The following EVL variants were observed in gnomAD, a reference collection of about 807,000 sequenced individuals.
EVL encodes the protein Enah/Vasp-like.
A neutral mutation model predicts 59.6 loss-of-function variants in EVL; 21 were observed. The ratio of observed to expected loss-of-function variants is 0.35; its 90% CI spans 0.25 to 0.51. The LOEUF (loss-of-function observed/expected upper bound fraction) is 0.51. EVL is among the 20% of genes least tolerant of loss of function. The pLI is 0.97. For missense variants in EVL, 462 were observed against 546.6 expected (o/e 0.85, Z 1.54); for synonymous variants, 198 against 203.5 (o/e 0.97, Z 0.23).
chr14:99,972,064 C>A lies in EVL; in HGVS notation c.5+7C>A. On this transcript the variant is annotated splice_region_variant and intron_variant, in intron 1 of 13. Transcript: ENST00000402714. This position sits in a 1 kb window ranked among gnomAD's most constrained non-coding sequence, Gnocchi z 4.4. ...CCCCGGCAGCGACAATGAGGTGAGT[C>A]GGGGCCGGCGCCTCGTGGGAGGTGG... The A allele has an allele frequency of 6.7e-6, 2 of 298,626 alleles. No individual in the cohort carries two copies. Among genetic ancestry groups the A allele is most frequent in the South Asian group, 1.4e-4 (1 of 7,108 alleles). The allele number at this position is 298,626 out of a possible 1,614,324, so 18.5% of individuals were successfully genotyped here.
intron 1 of EVL, among the ~76,000 whole-genome samples, chr14:99,988,940 G>A (rs1340474434): frequency 1.3e-5 from 2 of 152,146 alleles, no homozygotes; most frequent in African/African-American, 4.8e-5. Flanking sequence ...TTTGAGAATG[G>A]GGAGTAACTG....
At chr14:100,100,389 GA>G (rs1256826609) in intron 3 of EVL, among the ~76,000 whole-genome samples, 1 of 152,092 alleles carries the variant, frequency 6.6e-6, no homozygotes, top group Admixed American at 6.5e-5. Context: ...GCCCACTGAC[GA>G]ATAAGCTTTT....
At chr14:100,083,463 T>G (rs1380899245) in intron 1 of EVL, among the ~76,000 whole-genome samples, 1 of 151,310 alleles carries the variant, frequency 6.6e-6, no homozygotes, top group Non-Finnish European at 1.5e-5. Flanking sequence ...AAAAAAGAAA[T>G]AAACGAGTAT....
At chr14:99,982,662 C>T (rs996131869) in intron 1 of EVL, among the ~76,000 whole-genome samples, 59 of 152,150 alleles carry the variant, frequency 3.9e-4, no homozygotes, top group African/African-American at 1.4e-3. Context: ...CCCAGTTCCT[C>T]TGTGAGCGAT....
At chr14:100,005,686 T>C (rs966982908) in intron 1 of EVL, among the ~76,000 whole-genome samples, 8 of 151,676 alleles carry the variant, frequency 5.3e-5, no homozygotes, top group African/African-American at 1.9e-4. Context: ...GGATGTTACC[T>C]TTTAATTAAA....
At chr14:100,084,052 C>CTTT (rs548584469) in intron 1 of EVL, among the ~76,000 whole-genome samples, 2,022 of 134,626 alleles carry the variant, frequency 0.015, 88 homozygotes, top group African/African-American at 0.054. Context: ...CTCTCTCTCT[C>CTTT]TTTTTTTTTT....
At chr14:100,035,331 T>C (rs1341879964) in intron 1 of EVL, among the ~76,000 whole-genome samples, 1 of 32,928 alleles carries the variant, frequency 3.0e-5, no homozygotes, top group Non-Finnish European at 6.2e-5. Flanking sequence ...CATTCAACAG[T>C]GTATGTGTTT....
intron 1 of EVL, among the ~76,000 whole-genome samples, chr14:100,017,144 T>C (rs2061057530): frequency 1.3e-5 from 2 of 152,236 alleles, no homozygotes; most frequent in Non-Finnish European, 2.9e-5. Flanking sequence ...CTGTCTTCTA[T>C]TAGTAAGTTG....
At chr14:100,072,900 C>G (rs961709157) in intron 1 of EVL, among the ~76,000 whole-genome samples, 1 of 152,210 alleles carries the variant, frequency 6.6e-6, no homozygotes, top group African/African-American at 2.4e-5. Flanking sequence ...CACGGCGGAG[C>G]GTCAGGTTGC....
intron 1 of EVL, among the ~76,000 whole-genome samples, chr14:99,980,403 C>T (rs1287780199): frequency 6.6e-6 from 1 of 152,180 alleles, no homozygotes; most frequent in Non-Finnish European, 1.5e-5. Flanking sequence ...ACCTCTAATT[C>T]TCAGAAAGTT....
chr14:100,097,579 C>T lies in EVL; in HGVS notation c.279C>T (p.Asn93=). 6.2e-7 allele frequency: 1 copy of T among 1,614,216 alleles called. No homozygotes were observed. The highest frequency in any genetic ancestry group is 8.5e-7 in the Non-Finnish European group (1 of 1,180,032). The change falls in exon 3 of 14, where the codon AAC becomes AAT. Residue 93 remains asparagine, a synonymous_variant. Coordinates refer to ENST00000392920, the MANE Select transcript of EVL (RefSeq NM_016337.3). ...WRDARQVYGL[N]FASKEEATTF... ...ATGCCCGCCAGGTCTACGGCTTAAA[C>T]TTTGCAAGTAAAGAAGAGGCAACCA... is the stretch of plus-strand genomic sequence containing the variant.
At chr14:100,115,064 G>A (rs992806178) in intron 3 of EVL, among the ~76,000 whole-genome samples, 2 of 151,656 alleles carry the variant, frequency 1.3e-5, no homozygotes, top group African/African-American at 2.4e-5. Context: ...AAACAATGCA[G>A]TTATGCTCAG....
chr14:99,990,728 G>A (rs1194241920), intron 1 of EVL, among the ~76,000 whole-genome samples: 1 of 152,112 alleles, frequency 6.6e-6, no homozygotes, highest in Non-Finnish European at 1.5e-5. Flanking sequence ...TAGAGAGAGA[G>A]ATGCTACTTT....
At chr14:100,076,912 G>A (rs2062174905) in intron 1 of EVL, among the ~76,000 whole-genome samples, 1 of 152,214 alleles carries the variant, frequency 6.6e-6, no homozygotes, top group Non-Finnish European at 1.5e-5. Context: ...ATGGGGTCAG[G>A]TGCTGCTCCA....
At chr14:100,025,648 C>T (rs765524228) in intron 1 of EVL, among the ~76,000 whole-genome samples, 71 of 152,262 alleles carry the variant, frequency 4.7e-4, no homozygotes, top group Non-Finnish European at 8.1e-4. Flanking sequence ...ACACAGTTGG[C>T]GGGGCGTGGT....
chr14:100,140,046 G>A (rs866310026), intron 11 of EVL: 1 of 152,018 alleles, frequency 6.6e-6, no homozygotes, highest in Non-Finnish European at 1.5e-5. Context: ...TTGAGCCCAG[G>A]ACTTGGAGAC....
intron 1 of EVL, among the ~76,000 whole-genome samples, chr14:100,036,456 G>A (rs1436532001): frequency 6.6e-6 from 1 of 152,156 alleles, no homozygotes; most frequent in Non-Finnish European, 1.5e-5. Flanking sequence ...AAGAGAAAGG[G>A]AAGTAGAGTT....
chr14:100,041,239 C>CT (rs1398325485), intron 1 of EVL, among the ~76,000 whole-genome samples: 1 of 152,132 alleles, frequency 6.6e-6, no homozygotes, highest in Non-Finnish European at 1.5e-5. Flanking sequence ...AGATATTGAA[C>CT]TTTTTTTCCC....
At chr14:100,080,116 C>G (rs1471353351) in intron 1 of EVL, among the ~76,000 whole-genome samples, 1 of 149,558 alleles carries the variant, frequency 6.7e-6, no homozygotes, top group African/African-American at 2.5e-5. Context: ...CAAAAATGGT[C>G]TATGATATAC....
Sources: allele counts gnomAD v4.1 joint callset (sites outside exome capture counted in the v4.1 genomes callset), GRCh38; gene constraint gnomAD v4.1.1; non-coding constraint Gnocchi (gnomAD v3.1); transcripts MANE v1.5; gene names NCBI Gene and HGNC (gene_info 2026-07-23, HGNC 2026-07-21).